Variants in TRPM6 observed in about 807,000 individuals in gnomAD.
The protein encoded by TRPM6 is channel kinase 2.
In TRPM6, 111 loss-of-function variants were observed where a neutral mutation model predicts 247.6. The observed-to-expected ratio is 0.45, with a 90% CI of 0.38 to 0.52. The LOEUF (loss-of-function observed/expected upper bound fraction) is 0.52. Among genes scored for constraint, TRPM6 ranks in the 20% least tolerant of loss-of-function variants. The probability of loss-of-function intolerance (pLI) is 0.00; values close to 1 mark genes in which losing one functional copy is unlikely to be tolerated. For synonymous variants in TRPM6, 892 were observed against 853.8 expected (o/e 1.04, Z -0.78); for missense variants, 2,126 against 2,421.5 (o/e 0.88, Z 2.56).
chr9:74,754,797 A>G (rs1826380206), intron 28 of TRPM6, among the ~76,000 whole-genome samples: 1 of 152,166 alleles, frequency 6.6e-6, no homozygotes, highest in Non-Finnish European at 1.5e-5. Flanking sequence ...ATCTGCCCTC[A>G]TCTTACCTGT....
intron 37 of TRPM6, among the ~76,000 whole-genome samples, chr9:74,729,115 A>G (rs1445505631): frequency 6.6e-5 from 10 of 152,252 alleles, no homozygotes; most frequent in Non-Finnish European, 1.5e-4. Context: ...TTGACACTGC[A>G]CACCACAGAG....
At chr9:74,873,160 T>G (rs1831081807) in intron 1 of TRPM6, among the ~76,000 whole-genome samples, 1 of 152,152 alleles carries the variant, frequency 6.6e-6, no homozygotes, top group Non-Finnish European at 1.5e-5. Context: ...ACAGGTATTC[T>G]CTACACACTG....
intron 11 of TRPM6, among the ~76,000 whole-genome samples, chr9:74,812,652 G>C (rs1424531975): frequency 6.6e-6 from 1 of 152,020 alleles, no homozygotes; most frequent in African/African-American, 2.4e-5. Context: ...CACCCTTGGA[G>C]GCTGAGGCAG....
At chr9:74,821,891 G>T (rs1281822618) in intron 7 of TRPM6, 54 bp from the exon 8 acceptor site, 1 of 1,604,970 alleles carries the variant, frequency 6.2e-7, no homozygotes, top group East Asian at 2.2e-5. Context: ...AGCTCAGCCA[G>T]TCGGCCGTTT....
intron 5 of TRPM6, among the ~76,000 whole-genome samples, chr9:74,836,311 G>A (rs182838602): frequency 6.6e-6 from 1 of 152,258 alleles, no homozygotes; most frequent in Admixed American, 6.5e-5. Flanking sequence ...CCTATGTGTG[G>A]TACTGACCTT....
At position 74,847,358 on chromosome 9, in the gene TRPM6, G is replaced by C. The variant is rs939343770; in HGVS notation, c.153-5015C>G. Among the ~76,000 whole-genome samples the C allele has an allele frequency of 2.6e-5, 4 of 152,084 alleles. No homozygotes were observed. In the South Asian group the frequency reaches 8.3e-4, roughly 32 times the overall value. On this transcript the variant is annotated intron_variant, in intron 3 of 38. Transcript: ENST00000360774. ...TGGAATTACAGGCAACGACTATCACGTCCGGCTAATTTGGGGTTTTGCCAT... is the reference window on the plus strand; with the variant it reads ...TGGAATTACAGGCAACGACTATCACCTCCGGCTAATTTGGGGTTTTGCCAT...
chr9:74,800,545 ATT>A, intron 16 of TRPM6, 63 bp from the exon 17 acceptor site: 1 of 1,103,340 alleles, frequency 9.1e-7, no homozygotes, highest in Non-Finnish European at 1.4e-6. Flanking sequence ...TATTAGAAAC[ATT>A]TTAGAACATT....
At chr9:74,757,582 A>C (rs1162641984) in intron 27 of TRPM6, among the ~76,000 whole-genome samples, 2 of 147,538 alleles carry the variant, frequency 1.4e-5, no homozygotes, top group African/African-American at 5.0e-5. Flanking sequence ...AAAAAAAAAA[A>C]GGAGGGGAGG....
intron 31 of TRPM6, 94 bp from the exon 32 acceptor site, chr9:74,744,239 G>GT (rs1825959637): frequency 7.3e-7 from 1 of 1,361,166 alleles, no homozygotes; most frequent in African/African-American, 1.4e-5. Flanking sequence ...TATTGAACAG[G>GT]TTAATCAGAA....
rs1184322591 is a variant in TRPM6, at chr9:74,785,772, CT to C, written c.2919+101del. 9.0e-6 allele frequency: 12 copies of C among 1,336,144 alleles called. No homozygotes were observed. The East Asian group carries it at 2.1e-4, about 23-fold the overall frequency. 82.8% of individuals were successfully genotyped at this position (1,336,144 alleles called of 1,614,324 possible). A position where few individuals can be genotyped will look rare whatever the true frequency, so the allele number is the denominator to read the frequency against. On this transcript the variant is annotated intron_variant, in intron 21 of 38. Transcript: ENST00000360774. ...TCTCCTGACCTTGTGATCCGCCCGC[CT>C]TGGCCTCCCAAAGTGCTGGGATTAC...
intron 27 of TRPM6, among the ~76,000 whole-genome samples, chr9:74,760,640 CCA>C (rs1826593109): frequency 6.6e-6 from 1 of 152,168 alleles, no homozygotes; most frequent in Non-Finnish European, 1.5e-5. Flanking sequence ...CCATGAGATA[CCA>C]CTACACATTC....
At chr9:74,824,511 GAAAAAAAAAAAAAAAAAAAAA>G (rs59044061) in intron 7 of TRPM6, among the ~76,000 whole-genome samples, 800 of 47,058 alleles carry the variant, frequency 0.017, 19 homozygotes, top group African/African-American at 0.029. Context: ...GGCTTTTTCT[GAAAAAAAAAAAAAAAAAAAAA>G]AAAAAAAAAA....
intron 6 of TRPM6, among the ~76,000 whole-genome samples, chr9:74,831,026 G>T (rs905080681): frequency 6.6e-6 from 1 of 151,964 alleles, no homozygotes; most frequent in African/African-American, 2.4e-5. Context: ...TAGTATCAAA[G>T]ATTTACATAT....
At chr9:74,834,832 A>G (rs1182871988) in intron 5 of TRPM6, among the ~76,000 whole-genome samples, 2 of 152,046 alleles carry the variant, frequency 1.3e-5, no homozygotes, top group Non-Finnish European at 1.5e-5. Context: ...AATCCAATCT[A>G]TCCCTGATGG....
intron 25 of TRPM6, among the ~76,000 whole-genome samples, chr9:74,769,230 C>T (rs2118872099): frequency 6.6e-6 from 1 of 152,294 alleles, no homozygotes. Flanking sequence ...ACTGCAACCT[C>T]TGCCTCCTGG....
In TRPM6 at chr9:74,748,393, G is replaced by T. The variant is rs148086084; in HGVS notation, c.5058-479C>A. 1.2e-3 allele frequency among the ~76,000 whole-genome samples: 179 copies of T among 152,218 alleles called. 1 individual carries two copies. Among genetic ancestry groups the T allele is most frequent in the African/African-American group, 3.9e-3 (160 of 41,528 alleles). On this transcript the variant is annotated intron_variant, in intron 30 of 38. Transcript: ENST00000360774. Reference sequence around the variant, plus strand: ...TTTATGTTTTCTTTTTAAGTTAACTGTAAACAGCCTCTGGCAGGTCATTCA... The same window carrying T: ...TTTATGTTTTCTTTTTAAGTTAACTTTAAACAGCCTCTGGCAGGTCATTCA...
chr9:74,829,314 C>T (rs1348285961), intron 6 of TRPM6, among the ~76,000 whole-genome samples: 1 of 152,038 alleles, frequency 6.6e-6, no homozygotes, highest in Non-Finnish European at 1.5e-5. Context: ...ATAAATAAAA[C>T]AGTGGAACAG....
intron 1 of TRPM6, among the ~76,000 whole-genome samples, chr9:74,871,359 G>T (rs1371914156): frequency 6.6e-6 from 1 of 152,076 alleles, no homozygotes; most frequent in African/African-American, 2.4e-5. Flanking sequence ...GTGTTTACAG[G>T]TATATCCCCC....
At chr9:74,870,661 C>G (rs1001034745) in intron 1 of TRPM6, among the ~76,000 whole-genome samples, 1 of 152,252 alleles carries the variant, frequency 6.6e-6, no homozygotes, top group East Asian at 1.9e-4. Context: ...CAGTGGCTCA[C>G]GCCTGTAATC....
Sources: gnomAD v4.1 joint callset for allele counts (sites outside exome capture counted in the v4.1 genomes callset) on GRCh38, gnomAD v4.1.1 for gene constraint, MANE v1.5 for transcripts, NCBI Gene and HGNC (gene_info 2026-07-23, HGNC 2026-07-21) for gene names.